Variants in ATOH8 observed in about 807,000 individuals in gnomAD.
The protein encoded by ATOH8 is atonal bHLH transcription factor 8.
In ATOH8, 9 loss-of-function variants were observed where a neutral mutation model predicts 21.2. That is an observed-to-expected ratio of 0.42 (90% CI 0.26 to 0.74). ATOH8 has a LOEUF of 0.74. Ranked by LOEUF, ATOH8 falls within the 30% of genes least tolerant of loss-of-function variation. ATOH8 has a pLI of 0.24. For missense variants in ATOH8, 524 were observed against 470.9 expected (o/e 1.11, Z -1.04); for synonymous variants, 253 against 224.0 (o/e 1.13, Z -1.16).
chr2:85,785,097 C>T lies in ATOH8; in HGVS notation c.961-1788C>T, dbSNP rs1439503170. Among the ~76,000 whole-genome samples the T allele has an allele frequency of 1.3e-5, 2 of 152,272 alleles. No individual in the cohort carries two copies. The highest frequency in any genetic ancestry group is 1.5e-5 in the Non-Finnish European group (1 of 68,040). The stretch of plus-strand genomic sequence containing the variant: ...GGCTTGGGGCTGGCCCCAGGCTGCC[C>T]TGACCGCCTTTACAGCATGCCCAGG... On this transcript the variant is annotated intron_variant, in intron 2 of 2. Coordinates refer to ENST00000306279, the MANE Select transcript of ATOH8 (RefSeq NM_032827.7). This position sits in a 1 kb window ranked among gnomAD's most constrained non-coding sequence, Gnocchi z 4.1.
chr2:85,763,954 C>CA (rs1679935722), intron 1 of ATOH8, 37 bp from the exon 2 acceptor site: 1 of 1,595,540 alleles, frequency 6.3e-7, no homozygotes, highest in African/African-American at 1.3e-5. Context: ...CTGGGCACTG[C>CA]GCCCCTGCAG....
intron 1 of ATOH8, among the ~76,000 whole-genome samples, chr2:85,757,180 A>G (rs1269722578): frequency 6.6e-6 from 1 of 152,272 alleles, no homozygotes; most frequent in Admixed American, 6.5e-5. Flanking sequence ...CTGCCAGGCC[A>G]TAGTGGGCAC....
Position 85,764,176 on chromosome 2 carries a change from G to A in ATOH8, c.954G>A (p.Lys318=), listed in dbSNP as rs1679943189. 1 of 1,614,154 alleles carries A rather than the reference G, an allele frequency of 6.2e-7. No individual in the cohort carries two copies. Among genetic ancestry groups the A allele is most frequent in the Non-Finnish European group, 8.5e-7 (1 of 1,180,038 alleles). Residue 318 remains lysine (K), a synonymous_variant, in exon 2 of 3, where the codon AAG becomes AAA. Transcript: ENST00000306279. The stretch of plus-strand genomic sequence containing the variant: ...TGCAGGCCGAGGGACGTGCCAAGAA[G>A]CGCAAGGTATGCACCAGCTGGGTGG... ...RTLQAEGRAK[K]RKE
rs1386085359 is a variant in ATOH8, at chr2:85,763,942, G to T, written c.769-49G>T. ...GACAGGCCGTCTCCCATGCCTGCCA[G>T]GCTGGGCACTGCGCCCCTGCAGCCC... is the stretch of plus-strand genomic sequence containing the variant. On this transcript the variant is annotated intron_variant, in intron 1 of 2. Coordinates refer to ENST00000306279, the MANE Select transcript of ATOH8 (RefSeq NM_032827.7). The T allele has an allele frequency of 2.5e-6, 4 of 1,580,598 alleles. No individual in the cohort carries two copies. In the African/African-American group the frequency reaches 4.0e-5, roughly 16 times the overall value.
At chr2:85,762,976 C>T (rs778946931) in intron 1 of ATOH8, among the ~76,000 whole-genome samples, 2 of 152,108 alleles carry the variant, frequency 1.3e-5, no homozygotes, top group African/African-American at 2.4e-5. Flanking sequence ...TGCATCGTGC[C>T]GTCCCACCCC....
intron 2 of ATOH8, among the ~76,000 whole-genome samples, chr2:85,764,508 G>C (rs1679954165): frequency 6.6e-6 from 1 of 152,208 alleles, no homozygotes; most frequent in African/African-American, 2.4e-5. Flanking sequence ...TGAATTCCTT[G>C]GGTGGCCTCT....
At chr2:85,758,758 C>G (rs1436289175) in intron 1 of ATOH8, among the ~76,000 whole-genome samples, 5 of 152,336 alleles carry the variant, frequency 3.3e-5, no homozygotes, top group South Asian at 2.1e-4. Flanking sequence ...ATGCCACCAG[C>G]GCAGCTGCAC....
rs1228177418 is a variant in ATOH8 at position 85,790,848 on chromosome 2, G to A, written c.*3958G>A. 6.6e-6 allele frequency among the ~76,000 whole-genome samples: 1 copy of A among 152,178 alleles called. No individual in the cohort carries two copies. Among genetic ancestry groups the A allele is most frequent in the Non-Finnish European group, 1.5e-5 (1 of 68,032 alleles). On this transcript the variant is annotated 3_prime_UTR_variant, in exon 3 of 3. Transcript: ENST00000306279. ...GGAAGCCGGCGAGGGGACTGGAGTT[G>A]GGGCTACACTTGCCTCCCTCCTATG...
intron 1 of ATOH8, 39 bp downstream of exon 1, chr2:85,754,996 G>C: frequency 6.5e-7 from 1 of 1,542,118 alleles, no homozygotes; most frequent in Non-Finnish European, 8.7e-7. Flanking sequence ...TGCGCCGGGG[G>C]ACGACTGCGG....
intron 2 of ATOH8, among the ~76,000 whole-genome samples, chr2:85,781,453 G>C (rs1204280897): frequency 6.6e-6 from 1 of 152,088 alleles, no homozygotes; most frequent in Non-Finnish European, 1.5e-5. Context: ...TGTAATCCTA[G>C]CTACTCGGGA....
intron 1 of ATOH8, among the ~76,000 whole-genome samples, chr2:85,763,570 T>C (rs922758045): frequency 1.1e-4 from 17 of 152,166 alleles, no homozygotes; most frequent in Admixed American, 3.3e-4. Context: ...CATTCATTGT[T>C]GCACTCCCCA....
Position 85,785,591 on chromosome 2 carries a change from C to T in ATOH8, c.961-1294C>T, listed in dbSNP as rs1052525919. ...CACCAGGGCCTGTGGTTAGCAGGCC[C>T]TCCACGTCGTGGTTTGGCTCCATCC... is the stretch of plus-strand genomic sequence containing the variant. On this transcript the variant is annotated intron_variant, in intron 2 of 2. Coordinates refer to ENST00000306279, the MANE Select transcript of ATOH8 (RefSeq NM_032827.7). The surrounding 1 kb of genome is among the most constrained non-coding windows in gnomAD (Gnocchi z 4.1). Among the ~76,000 whole-genome samples, 1 of 152,192 alleles carries T rather than the reference C, an allele frequency of 6.6e-6. No homozygotes were observed. Among genetic ancestry groups the T allele is most frequent in the African/African-American group, 2.4e-5 (1 of 41,448 alleles).
In ATOH8 at chr2:85,764,430, G is replaced by C. The variant is rs539686092; in HGVS notation, c.960+248G>C. On this transcript the variant is annotated intron_variant, in intron 2 of 2. Coordinates refer to ENST00000306279, the MANE Select transcript of ATOH8 (RefSeq NM_032827.7). ...ACCCAGGGTCTCTGGGCCCCGGTTT[G>C]CTCCTCACTTAAATGAAGAGGACCA... Among the ~76,000 whole-genome samples the C allele has an allele frequency of 2.6e-5, 4 of 152,322 alleles. No homozygotes were observed. The East Asian group carries it at 7.7e-4, about 29-fold the overall frequency.
chr2:85,754,290 C>T lies in ATOH8; in HGVS notation c.101C>T (p.Ala34Val), dbSNP rs765856199. The T allele has an allele frequency of 3.1e-6, 5 of 1,609,980 alleles. No homozygotes were observed. In the South Asian group the frequency reaches 4.4e-5, roughly 14 times the overall value. ...KKLKRKGKEPARRANGYKTFR... is the reference protein window; with the variant it reads ...KKLKRKGKEPVRRANGYKTFR... ...CTCAAGCGGAAAGGCAAGGAGCCGG[C>T]GCGGCGCGCGAACGGCTATAAAACT... The change falls in exon 1 of 3, where the codon GCG becomes GTG. Residue 34 changes from alanine (A) to valine (V), a missense_variant. By Grantham distance (64) the Ala-to-Val change is moderately conservative. Transcript: ENST00000306279.
intron 2 of ATOH8, among the ~76,000 whole-genome samples, chr2:85,775,776 C>G (rs1445727018): frequency 6.6e-6 from 1 of 152,220 alleles, no homozygotes; most frequent in Non-Finnish European, 1.5e-5. Flanking sequence ...CAAGGTCTGT[C>G]AGCTGGGAGG....
chr2:85,777,902 C>T (rs767793556), intron 2 of ATOH8, among the ~76,000 whole-genome samples: 1 of 152,182 alleles, frequency 6.6e-6, no homozygotes, highest in African/African-American at 2.4e-5. Flanking sequence ...TACCGAAGGG[C>T]GGCTCCTCTG....
At position 85,787,180 on chromosome 2, in the gene ATOH8, C is replaced by T. The variant is rs1558619949; in HGVS notation, c.*290C>T. On this transcript the variant is annotated 3_prime_UTR_variant, in exon 3 of 3. Coordinates refer to ENST00000306279, the MANE Select transcript of ATOH8 (RefSeq NM_032827.7). ...GGCCCACTGTCCAGCTGCAGAAATT[C>T]GTTGCCAAAGATTGGACAGAGACAC... 6 of 429,896 alleles carry T rather than the reference C, an allele frequency of 1.4e-5. No individual in the cohort carries two copies. The highest frequency in any genetic ancestry group is 2.1e-5 in the Non-Finnish European group (5 of 240,716). The allele number at this position is 429,896 out of a possible 1,614,324, so 26.6% of individuals were successfully genotyped here. A position where few individuals can be genotyped will look rare whatever the true frequency, so the allele number is the denominator to read the frequency against.
rs556638958 is a variant in ATOH8, at chr2:85,791,316, C to G, written c.*4426C>G. On this transcript the variant is annotated 3_prime_UTR_variant, in exon 3 of 3. Coordinates refer to ENST00000306279, the MANE Select transcript of ATOH8 (RefSeq NM_032827.7). Reference sequence around the variant, plus strand: ...AACCCCTGATCCTCGAAACGGCTTTCTTGCAAAGTGTATATATTGGTTTCT... The same window carrying G: ...AACCCCTGATCCTCGAAACGGCTTTGTTGCAAAGTGTATATATTGGTTTCT... Among the ~76,000 whole-genome samples the G allele has an allele frequency of 2.0e-5, 3 of 152,334 alleles. No individual in the cohort carries two copies. Among genetic ancestry groups the G allele is most frequent in the East Asian group, 1.9e-4 (1 of 5,184 alleles).
intron 1 of ATOH8, among the ~76,000 whole-genome samples, chr2:85,755,496 C>T (rs542491837): frequency 6.1e-4 from 93 of 152,202 alleles, no homozygotes; most frequent in Non-Finnish European, 8.2e-4. Context: ...GCGCTACAAG[C>T]CTGTGCCCTC....
Sources: allele counts gnomAD v4.1 joint callset (sites outside exome capture counted in the v4.1 genomes callset), GRCh38; gene constraint gnomAD v4.1.1; non-coding constraint Gnocchi (gnomAD v3.1); transcripts MANE v1.5; gene names NCBI Gene and HGNC (gene_info 2026-07-23, HGNC 2026-07-21).